The following HGSNAT variants were observed in gnomAD, a reference collection of about 807,000 sequenced individuals.
HGSNAT encodes the protein heparan-alpha-glucosaminide N-acetyltransferase, also known as transmembrane protein 76.
In HGSNAT, 59 loss-of-function variants were observed where a neutral mutation model predicts 85.2. The ratio of observed to expected loss-of-function variants is 0.69; its 90% CI spans 0.56 to 0.86. HGSNAT has a LOEUF of 0.86. HGSNAT is among the 40% of genes least tolerant of loss of function. The pLI is 0.00. For synonymous variants in HGSNAT, 321 were observed against 304.5 expected, an observed-to-expected ratio of 1.05 and a Z score of -0.56; for missense variants, 756 against 777.1, an observed-to-expected ratio of 0.97 and a Z score of 0.32.
intron 5 of HGSNAT, 115 bp from the exon 6 acceptor site, chr8:43,169,058 T>G: frequency 2.0e-6 from 1 of 498,016 alleles, no homozygotes; most frequent in Non-Finnish European, 3.3e-6. Context: ...TTTAGAATGT[T>G]TAATTACTTA....
intron 13 of HGSNAT, 132 bp from the exon 14 acceptor site, chr8:43,193,625 A>G: frequency 1.7e-6 from 1 of 602,680 alleles, no homozygotes; most frequent in Non-Finnish European, 3.0e-6. Flanking sequence ...TAAGTTGGCA[A>G]TGAATTTCTG....
rs756810802 is a variant in HGSNAT, at chr8:43,173,750, T to G, written c.851+7T>G. 18 of 1,611,440 alleles carry G rather than the reference T, an allele frequency of 1.1e-5. No homozygotes were observed. The highest frequency in any genetic ancestry group is 1.4e-5 in the Non-Finnish European group (16 of 1,178,816). On this transcript the variant is annotated splice_region_variant and intron_variant, in intron 9 of 17. Coordinates refer to ENST00000379644, the MANE Select transcript of HGSNAT (RefSeq NM_152419.3). ...CTGACCTCGTGTTCCCGTGGTGAGT[T>G]GCCGGTCTGCCCTCTTCTCTTCCAC...
Position 43,170,567 on chromosome 8 carries a change from C to G in HGSNAT, c.634-18C>G. 5.1e-6 allele frequency: 8 copies of G among 1,555,996 alleles called. No homozygotes were observed. The highest frequency in any genetic ancestry group is 7.0e-6 in the Non-Finnish European group (8 of 1,137,794). On this transcript the variant is annotated intron_variant, in intron 6 of 17. Coordinates refer to ENST00000379644, the MANE Select transcript of HGSNAT (RefSeq NM_152419.3). ...CTTAGCATTATGAGTTGTCATCTTT[C>G]TCCCTTTTTTTCTGAAGGAGCTGGG...
At chr8:43,164,029 T>C (rs1202106086) in intron 5 of HGSNAT, among the ~76,000 whole-genome samples, 1 of 152,238 alleles carries the variant, frequency 6.6e-6, no homozygotes, top group African/African-American at 2.4e-5. Flanking sequence ...TATGTGACGG[T>C]ATTAAGGAAT....
intron 5 of HGSNAT, 115 bp downstream of exon 5, chr8:43,161,622 T>G: frequency 1.5e-6 from 1 of 657,546 alleles, no homozygotes; most frequent in Non-Finnish European, 2.5e-6. Context: ...AACATTTCTG[T>G]GTCCCCCATG....
intron 2 of HGSNAT, among the ~76,000 whole-genome samples, chr8:43,150,799 A>C (rs934083235): frequency 1.3e-5 from 2 of 151,806 alleles, no homozygotes; most frequent in African/African-American, 4.8e-5. Context: ...GCGCCACTGC[A>C]CTCCAGCCTG....
intron 11 of HGSNAT, among the ~76,000 whole-genome samples, chr8:43,190,823 A>C (rs1388512475): frequency 6.6e-6 from 1 of 152,216 alleles, no homozygotes. Flanking sequence ...TGCTCTATTC[A>C]GAGTTGTGCA....
chr8:43,178,163 T>C lies in HGSNAT; in HGVS notation c.941T>C (p.Ile314Thr). 1 of 1,604,782 alleles carries C rather than the reference T, an allele frequency of 6.2e-7. No homozygotes were observed. Among genetic ancestry groups the C allele is most frequent in the Non-Finnish European group, 8.5e-7 (1 of 1,176,708 alleles). Reference sequence around the variant, plus strand: ...TCAAAATTCAGATTGCTGGGGAAGATTGCATGGAGGAGTTTCCTGTTAATC... The same window carrying C: ...TCAAAATTCAGATTGCTGGGGAAGACTGCATGGAGGAGTTTCCTGTTAATC... ...GCSKFRLLGK[I>T]AWRSFLLICI... Residue 314 changes from isoleucine to threonine, a missense_variant, in exon 10 of 18, where the codon ATT becomes ACT. Coordinates refer to ENST00000379644, the MANE Select transcript of HGSNAT (RefSeq NM_152419.3).
At chr8:43,191,374 G>A in intron 11 of HGSNAT, 100 bp from the exon 12 acceptor site, 3 of 1,442,778 alleles carry the variant, frequency 2.1e-6, no homozygotes, top group South Asian at 2.6e-5. Context: ...TGCCAAAAAG[G>A]CCAAGAAATG....
chr8:43,201,710 G>T lies in HGSNAT; in HGVS notation c.*2141G>T, dbSNP rs1223796831. On this transcript the variant is annotated 3_prime_UTR_variant, in exon 18 of 18. Transcript: ENST00000379644. The surrounding 1 kb of genome is among the most constrained non-coding windows in gnomAD (Gnocchi z 4.4). ...GCATGTGCAATTTCTAATTTCCCAC[G>T]CTAGACTGTGAGCTTCCTAAGGCAA... is the stretch of plus-strand genomic sequence containing the variant. 1 of 152,154 alleles carries T rather than the reference G, an allele frequency of 6.6e-6. No homozygotes were observed. Among genetic ancestry groups the T allele is most frequent in the Non-Finnish European group, 1.5e-5 (1 of 68,058 alleles). 9.4% of individuals were successfully genotyped at this position (152,154 alleles called of 1,614,324 possible).
At chr8:43,183,961 G>C (rs944958786) in intron 11 of HGSNAT, among the ~76,000 whole-genome samples, 1 of 152,170 alleles carries the variant, frequency 6.6e-6, no homozygotes, top group African/African-American at 2.4e-5. Context: ...CAAAGGACAT[G>C]AATTCATCCT....
At chr8:43,188,650 T>C (rs1804410622) in intron 11 of HGSNAT, among the ~76,000 whole-genome samples, 1 of 152,206 alleles carries the variant, frequency 6.6e-6, no homozygotes, top group Non-Finnish European at 1.5e-5. Context: ...TTCTCTCAAC[T>C]CATCAAAGTC....
chr8:43,147,864 C>T (rs1312924706), intron 2 of HGSNAT, among the ~76,000 whole-genome samples: 1 of 152,188 alleles, frequency 6.6e-6, no homozygotes, highest in East Asian at 1.9e-4. Flanking sequence ...CAGGATCATT[C>T]ATGCCCCAAA....
chr8:43,174,892 T>A (rs1215341610), intron 9 of HGSNAT, among the ~76,000 whole-genome samples: 1 of 152,196 alleles, frequency 6.6e-6, no homozygotes, highest in African/African-American at 2.4e-5. Flanking sequence ...TTGTACTCAT[T>A]AACCACGCCC....
At chr8:43,191,297 T>C (rs1445000727) in intron 11 of HGSNAT, among the ~76,000 whole-genome samples, 177 bp from the exon 12 acceptor site, 1 of 152,218 alleles carries the variant, frequency 6.6e-6, no homozygotes, top group Non-Finnish European at 1.5e-5. Flanking sequence ...ATGGGTGTTT[T>C]GCTGTGAGAT....
rs1554533798 is a variant in HGSNAT at position 43,180,113 on chromosome 8, C to CA, written c.1012+1880dup. 2.4e-5 allele frequency among the ~76,000 whole-genome samples: 2 copies of CA among 83,510 alleles called. 1 individual carries two copies. The highest frequency in any genetic ancestry group is 6.9e-4 in the East Asian group (2 of 2,884). The allele number at this position is 83,510 out of a possible 152,430, so 54.8% of individuals were successfully genotyped here. The stretch of plus-strand genomic sequence containing the variant: ...GGGGCGGCTGGCCGACCCCCCCCCC[C>CA]ACCGCCTCCCTCCCGGATGGGGCGG... On this transcript the variant is annotated intron_variant, in intron 10 of 17. Transcript: ENST00000379644.
chr8:43,175,557 CTTTTTTTTTTT>C (rs572939859), intron 9 of HGSNAT, among the ~76,000 whole-genome samples: 30 of 63,146 alleles, frequency 4.8e-4, no homozygotes, highest in Non-Finnish European at 6.9e-4. Flanking sequence ...CTTTTGTCCT[CTTTTTTTTTTT>C]TTTTTTTTTT....
At chr8:43,182,466 C>T (rs1182241457) in intron 11 of HGSNAT, 2 of 605,698 alleles carry the variant, frequency 3.3e-6, no homozygotes, top group African/African-American at 3.7e-5. Flanking sequence ...GTTGTTGATA[C>T]AGGGTCTTGC....
At position 43,158,927 on chromosome 8, in the gene HGSNAT, G is replaced by T. The variant is rs1803180587; in HGVS notation, c.376G>T (p.Glu126Ter). The change falls in exon 4 of 18, where the codon GAA becomes TAA. Residue 126 changes from glutamate to a stop codon, truncating the protein, a stop_gained. Transcript: ENST00000379644. LOFTEE classifies it high-confidence loss of function. ...TLEEKEVCRL[E>*]YRFGEFGNYS... Reference sequence around the variant, plus strand: ...AATTTTACCTAATGTTTGTAGGTTGGAATACAGATTTGGAGAATTTGGAAA... The same window carrying T: ...AATTTTACCTAATGTTTGTAGGTTGTAATACAGATTTGGAGAATTTGGAAA... The T allele has an allele frequency of 6.2e-7, 1 of 1,606,646 alleles. No individual in the cohort carries two copies. Among genetic ancestry groups the T allele is most frequent in the African/African-American group, 1.3e-5 (1 of 74,890 alleles).
Sources: allele counts gnomAD v4.1 joint callset (sites outside exome capture counted in the v4.1 genomes callset), GRCh38; gene constraint gnomAD v4.1.1; non-coding constraint Gnocchi (gnomAD v3.1); transcripts MANE v1.5; gene names NCBI Gene and HGNC (gene_info 2026-07-23, HGNC 2026-07-21).